RPS6KA1: variants seen among roughly 807,000 people sequenced by gnomAD.
RPS6KA1 encodes ribosomal protein S6 kinase alpha-1.
In RPS6KA1, 48 loss-of-function variants were observed where a neutral mutation model predicts 91.3. The ratio of observed to expected loss-of-function variants is 0.53; its 90% CI spans 0.42 to 0.67. RPS6KA1 has a LOEUF of 0.67. RPS6KA1 is among the 30% of genes least tolerant of loss of function. RPS6KA1 has a pLI of 0.00. For synonymous variants in RPS6KA1, 359 were observed against 384.7 expected (o/e 0.93, Z 0.78); for missense variants, 719 against 960.5 (o/e 0.75, Z 3.32).
Position 26,540,862 on chromosome 1 carries a change from C to T in RPS6KA1, c.108+3893C>T, listed in dbSNP as rs1372304894. Among the ~76,000 whole-genome samples, 1 of 152,184 alleles carries T rather than the reference C, an allele frequency of 6.6e-6. No homozygotes were observed. The highest frequency in any genetic ancestry group is 1.5e-5 in the Non-Finnish European group (1 of 68,024). On this transcript the variant is annotated intron_variant, in intron 2 of 21. Coordinates refer to ENST00000374168, the MANE Select transcript of RPS6KA1 (RefSeq NM_002953.4). This position sits in a 1 kb window ranked among gnomAD's most constrained non-coding sequence, Gnocchi z 4.2. ...CTGGAGTGCAATGGCACGATCTTGG[C>T]TCACCACAACCTCCGCCTCCTAGGT...
intron 17 of RPS6KA1, among the ~76,000 whole-genome samples, chr1:26,567,997 C>A (rs2076218142): frequency 6.6e-6 from 1 of 152,186 alleles, no homozygotes; most frequent in African/African-American, 2.4e-5. Context: ...TCCTGGAGGT[C>A]ACGGCCTATT....
Position 26,574,395 on chromosome 1 carries a change from C to T in RPS6KA1, c.*194C>T, listed in dbSNP as rs1310370206. On this transcript the variant is annotated 3_prime_UTR_variant, in exon 22 of 22. Coordinates refer to ENST00000374168, the MANE Select transcript of RPS6KA1 (RefSeq NM_002953.4). This position sits in a 1 kb window ranked among gnomAD's most constrained non-coding sequence, Gnocchi z 4.3. ...TCCCCAGGATGGACTCTTCTCGGCT[C>T]AGGCTCTGCTGGTGGAAAGCGATTC... 6 of 794,804 alleles carry T rather than the reference C, an allele frequency of 7.5e-6. No individual in the cohort carries two copies. Among genetic ancestry groups the T allele is most frequent in the Non-Finnish European group, 1.4e-5 (6 of 435,266 alleles). 49.2% of individuals were successfully genotyped at this position (794,804 alleles called of 1,614,324 possible).
chr1:26,557,099 G>A lies in RPS6KA1; in HGVS notation c.1083G>A (p.Lys361=). The A allele has an allele frequency of 1.2e-6, 2 of 1,612,582 alleles. No homozygotes were observed. Among genetic ancestry groups the A allele is most frequent in the Non-Finnish European group, 1.7e-6 (2 of 1,178,828 alleles). The part of the protein sequence containing the change: ...FDTEFTSRTP[K]DSPGIPPSAG... ...CCGAGTTCACGTCCCGCACACCCAA[G>A]GGTGCGTCCCTTATCTGTTTTGTCT... The change falls in exon 13 of 22, where the codon AAG becomes AAA. Residue 361 remains lysine (K), a splice_region_variant and synonymous_variant. Transcript: ENST00000374168.
chr1:26,561,272 A>C lies in RPS6KA1; in HGVS notation c.1431+138A>C. 1 of 951,278 alleles carries C rather than the reference A, an allele frequency of 1.1e-6. No individual in the cohort carries two copies. Among genetic ancestry groups the C allele is most frequent in the East Asian group, 2.6e-5 (1 of 39,192 alleles). 58.9% of individuals were successfully genotyped at this position (951,278 alleles called of 1,614,324 possible). Reference sequence around the variant, plus strand: ...GGGAAGGAGGTCCCTTGGTCCCTTCAGTCTGCCCATACCCCAAGGGCCCTC... The same window carrying C: ...GGGAAGGAGGTCCCTTGGTCCCTTCCGTCTGCCCATACCCCAAGGGCCCTC... On this transcript the variant is annotated intron_variant, in intron 16 of 21. Transcript: ENST00000374168. The surrounding 1 kb of genome is among the most constrained non-coding windows in gnomAD (Gnocchi z 5.7).
Position 26,530,001 on chromosome 1 carries a change from G to T in RPS6KA1, c.63+18G>T. The T allele has an allele frequency of 7.5e-7, 1 of 1,337,892 alleles. No individual in the cohort carries two copies. The highest frequency in any genetic ancestry group is 9.6e-7 in the Non-Finnish European group (1 of 1,044,054). The allele number at this position is 1,337,892 out of a possible 1,614,324, so 82.9% of individuals were successfully genotyped here. The stretch of plus-strand genomic sequence containing the variant: ...ACCCGGAGGTGAGTGAGCGGGGCGG[G>T]GGACGGGCGCCCGCGGCCGGCGAGC... On this transcript the variant is annotated intron_variant, in intron 1 of 21. Transcript: ENST00000374168.
chr1:26,538,042 G>C (rs2075919550), intron 2 of RPS6KA1, among the ~76,000 whole-genome samples: 1 of 152,222 alleles, frequency 6.6e-6, no homozygotes, highest in African/African-American at 2.4e-5. Context: ...ATGGATGCAG[G>C]ATTAGTCCTG....
At chr1:26,564,337 C>T (rs1300598551) in intron 17 of RPS6KA1, among the ~76,000 whole-genome samples, 1 of 152,168 alleles carries the variant, frequency 6.6e-6, no homozygotes, top group South Asian at 2.1e-4. Context: ...CAGCTCACTG[C>T]AAGCTCCGCC....
chr1:26,564,543 C>G (rs1308565370), intron 17 of RPS6KA1, among the ~76,000 whole-genome samples: 1 of 152,200 alleles, frequency 6.6e-6, no homozygotes, highest in South Asian at 2.1e-4. Flanking sequence ...CAAGTATGAG[C>G]CACCGCGCCC....
intron 2 of RPS6KA1, chr1:26,543,243 C>T (rs2075962716): frequency 1.3e-6 from 2 of 1,497,984 alleles, no homozygotes; most frequent in Non-Finnish European, 1.8e-6. Flanking sequence ...AGTCGCCTGC[C>T]TCCAGCGGTG....
Position 26,561,495 on chromosome 1 carries a change from T to C in RPS6KA1, c.1432-10T>C. On this transcript the variant is annotated splice_polypyrimidine_tract_variant and intron_variant, in intron 16 of 21. Coordinates refer to ENST00000374168, the MANE Select transcript of RPS6KA1 (RefSeq NM_002953.4). This position sits in a 1 kb window ranked among gnomAD's most constrained non-coding sequence, Gnocchi z 5.7. ...TGGGGAGAAGAGCCTGATGGTGAGG[T>C]CTTCGGCAGGTGTATGATGATGGCA... 6.2e-7 allele frequency: 1 copy of C among 1,614,048 alleles called. No homozygotes were observed. The highest frequency in any genetic ancestry group is 8.5e-7 in the Non-Finnish European group (1 of 1,179,992).
At chr1:26,553,926 T>A (rs1049560587) in intron 7 of RPS6KA1, 6 of 367,638 alleles carry the variant, frequency 1.6e-5, no homozygotes, top group Non-Finnish European at 2.5e-5. Flanking sequence ...CTAGACTTAC[T>A]AGCTCAATGA....
chr1:26,536,043 A>G (rs2075903630), intron 1 of RPS6KA1, among the ~76,000 whole-genome samples: 1 of 151,550 alleles, frequency 6.6e-6, no homozygotes, highest in African/African-American at 2.4e-5. Flanking sequence ...AATCCCAGCT[A>G]CTTGGGAGGC....
intron 14 of RPS6KA1, among the ~76,000 whole-genome samples, chr1:26,559,534 T>A (rs1035501318): frequency 3.0e-4 from 37 of 124,964 alleles, no homozygotes; most frequent in Non-Finnish European, 6.0e-4. Context: ...ACCCAGCTAA[T>A]TTTTTTTTTT....
intron 2 of RPS6KA1, among the ~76,000 whole-genome samples, chr1:26,542,625 C>T (rs1452511047): frequency 6.6e-6 from 1 of 152,198 alleles, no homozygotes; most frequent in Non-Finnish European, 1.5e-5. Flanking sequence ...CATCCTGGGG[C>T]TTGGGACTGG....
rs2076096230 is a variant in RPS6KA1, at chr1:26,555,793, G to A, written c.916+168G>A. The stretch of plus-strand genomic sequence containing the variant: ...TGGCTCCATGTGTGGTGTTGTGGAG[G>A]GGGGAGTTGACCTGTGTGTAGGGGG... On this transcript the variant is annotated intron_variant, in intron 11 of 21. Coordinates refer to ENST00000374168, the MANE Select transcript of RPS6KA1 (RefSeq NM_002953.4). The surrounding 1 kb of genome is among the most constrained non-coding windows in gnomAD (Gnocchi z 4.3). Among the ~76,000 whole-genome samples the A allele has an allele frequency of 6.6e-6, 1 of 152,134 alleles. No homozygotes were observed. Among genetic ancestry groups the A allele is most frequent in the Non-Finnish European group, 1.5e-5 (1 of 68,014 alleles).
chr1:26,530,108 C>A, intron 1 of RPS6KA1, 125 bp downstream of exon 1: 1 of 488,586 alleles, frequency 2.0e-6, no homozygotes, highest in Non-Finnish European at 3.1e-6. Flanking sequence ...GCCCTCCGAT[C>A]TCTTGCCCAC....
intron 2 of RPS6KA1, 73 bp downstream of exon 2, chr1:26,537,042 AG>A: frequency 6.6e-7 from 1 of 1,517,504 alleles, no homozygotes; most frequent in Non-Finnish European, 9.2e-7. Flanking sequence ...GAGGAGGTTG[AG>A]GGCTCCAGCC....
At position 26,555,721 on chromosome 1, in the gene RPS6KA1, C is replaced by T; in HGVS notation, c.916+96C>T. On this transcript the variant is annotated intron_variant, in intron 11 of 21. Transcript: ENST00000374168. The surrounding 1 kb of genome is among the most constrained non-coding windows in gnomAD (Gnocchi z 4.3). ...GGGCCACATCTGGGCTGAAAGGGGC[C>T]GTTGTCCTTTGTGTGGGCAGACAAT... 4.9e-6 allele frequency: 6 copies of T among 1,230,964 alleles called. No homozygotes were observed. The highest frequency in any genetic ancestry group is 3.9e-5 in the South Asian group (3 of 77,364). 76.3% of individuals were successfully genotyped at this position (1,230,964 alleles called of 1,614,324 possible).
chr1:26,567,466 C>T (rs6692653), intron 17 of RPS6KA1, among the ~76,000 whole-genome samples: 4,821 of 152,160 alleles, frequency 0.032, 225 homozygotes, highest in African/African-American at 0.11. Flanking sequence ...CTGCAACCTC[C>T]GCCTCCCAGG....
Sources: gnomAD v4.1 joint callset for allele counts (sites outside exome capture counted in the v4.1 genomes callset) on GRCh38, gnomAD v4.1.1 for gene constraint, Gnocchi (gnomAD v3.1) non-coding constraint, MANE v1.5 for transcripts, NCBI Gene and HGNC (gene_info 2026-07-23, HGNC 2026-07-21) for gene names.